The following BMP5 variants were observed in gnomAD, a reference collection of about 807,000 sequenced individuals.
BMP5 encodes the protein bone morphogenetic protein 5.
In BMP5, 23 loss-of-function variants were observed where a neutral mutation model predicts 46.6. That is an observed-to-expected ratio of 0.49 (90% CI 0.35 to 0.70). The LOEUF is 0.70. Ranked by LOEUF, BMP5 falls within the 30% of genes least tolerant of loss-of-function variation. The pLI is 0.00. For synonymous variants in BMP5, 204 were observed against 191.9 expected, an observed-to-expected ratio of 1.06 and a Z score of -0.52; for missense variants, 545 against 565.6, an observed-to-expected ratio of 0.96 and a Z score of 0.37.
At chr6:55,843,505 G>A (rs1341062517) in intron 1 of BMP5, among the ~76,000 whole-genome samples, 1 of 151,746 alleles carries the variant, frequency 6.6e-6, no homozygotes, top group African/African-American at 2.4e-5. Flanking sequence ...CTGCTGTAAT[G>A]TAACACACTG....
At chr6:55,855,145 G>T (rs6925870) in intron 1 of BMP5, among the ~76,000 whole-genome samples, 1 of 152,060 alleles carries the variant, frequency 6.6e-6, no homozygotes, top group Admixed American at 6.6e-5. Context: ...ATCTCGATAA[G>T]ATTTTTAATG....
At position 55,754,841 on chromosome 6, in the gene BMP5, A is replaced by G. The variant is rs1774541346; in HGVS notation, c.*692T>C. The G allele has an allele frequency of 6.6e-6, 1 of 152,082 alleles. No homozygotes were observed. Among genetic ancestry groups the G allele is most frequent in the Admixed American group, 6.6e-5 (1 of 15,214 alleles). 9.4% of individuals were successfully genotyped at this position (152,082 alleles called of 1,614,324 possible). On this transcript the variant is annotated 3_prime_UTR_variant, in exon 7 of 7. Transcript: ENST00000370830. ...TTGGAAAGCTATGGACACAGGCTCA[A>G]GCCTGTCTCCTGAAGCTTTGAGCTC...
intron 6 of BMP5, among the ~76,000 whole-genome samples, chr6:55,757,578 G>T (rs183351551): frequency 5.2e-4 from 79 of 151,874 alleles, no homozygotes; most frequent in Middle Eastern, 3.4e-3. Context: ...CCATACTCCT[G>T]GAAACACTAT....
At chr6:55,825,833 A>G (rs756374297) in intron 1 of BMP5, among the ~76,000 whole-genome samples, 1 of 151,880 alleles carries the variant, frequency 6.6e-6, no homozygotes, top group Non-Finnish European at 1.5e-5. Flanking sequence ...GTAACTTGGA[A>G]GACACAAATA....
intron 4 of BMP5, among the ~76,000 whole-genome samples, chr6:55,763,934 T>C (rs952339147): frequency 1.3e-5 from 2 of 152,106 alleles, no homozygotes; most frequent in Non-Finnish European, 2.9e-5. Flanking sequence ...AATAAAATCA[T>C]GAAAAACAAA....
chr6:55,823,879 G>GGAATATTTTAT (rs60793593), intron 1 of BMP5, among the ~76,000 whole-genome samples: 10,674 of 151,488 alleles, frequency 0.07, 416 homozygotes, highest in Middle Eastern at 0.14. Context: ...TCTTATCTAA[G>GGAATATTTTAT]GAATATTTTA....
At chr6:55,800,233 C>A (rs1028600573) in intron 2 of BMP5, among the ~76,000 whole-genome samples, 1 of 151,950 alleles carries the variant, frequency 6.6e-6, no homozygotes, top group Non-Finnish European at 1.5e-5. Flanking sequence ...GGCATAATGT[C>A]AAAGATGCAT....
chr6:55,800,347 G>A (rs547081752), intron 2 of BMP5, among the ~76,000 whole-genome samples: 21 of 152,232 alleles, frequency 1.4e-4, no homozygotes, highest in East Asian at 3.9e-4. Context: ...ATATGTATGC[G>A]AAATATTAAC....
chr6:55,874,980 T>C lies in BMP5; in HGVS notation c.-115A>G. 1 of 1,240,750 alleles carries C rather than the reference T, an allele frequency of 8.1e-7. No individual in the cohort carries two copies. The highest frequency in any genetic ancestry group is 2.3e-5 in the East Asian group (1 of 42,738). The allele number at this position is 1,240,750 out of a possible 1,614,324, so 76.9% of individuals were successfully genotyped here. A position where few individuals can be genotyped will look rare whatever the true frequency, so the allele number is the denominator to read the frequency against. On this transcript the variant is annotated 5_prime_UTR_variant, in exon 1 of 7. In the 5' UTR this introduces an upstream ATG that the reference lacks. Transcript: ENST00000370830. Reference sequence around the variant, plus strand: ...CAGTAGCTGAAAAAACAAATTTACCTATTTTTCATGACAGTGACATTTCTG... The same window carrying C: ...CAGTAGCTGAAAAAACAAATTTACCCATTTTTCATGACAGTGACATTTCTG...
At chr6:55,853,263 A>T (rs12207468) in intron 1 of BMP5, among the ~76,000 whole-genome samples, 32,387 of 149,760 alleles carry the variant, frequency 0.22, 4,435 homozygotes, top group Non-Finnish European at 0.3. Flanking sequence ...TTTGTGATAG[A>T]TATTATTTAT....
intron 2 of BMP5, among the ~76,000 whole-genome samples, chr6:55,796,925 A>C (rs1479872618): frequency 6.6e-6 from 1 of 152,138 alleles, no homozygotes; most frequent in African/African-American, 2.4e-5. Flanking sequence ...TTTCTAGTTC[A>C]CCTCTGAAAA....
At chr6:55,819,386 T>C (rs1473724701) in intron 2 of BMP5, among the ~76,000 whole-genome samples, 1 of 152,124 alleles carries the variant, frequency 6.6e-6, no homozygotes, top group African/African-American at 2.4e-5. Flanking sequence ...CTTTACAAAA[T>C]GAGACAACAG....
intron 1 of BMP5, among the ~76,000 whole-genome samples, chr6:55,870,502 C>A (rs1777760075): frequency 1.3e-5 from 2 of 149,754 alleles, no homozygotes; most frequent in South Asian, 4.2e-4. Context: ...TTTATATTAT[C>A]TTTCCTTCCA....
intron 1 of BMP5, among the ~76,000 whole-genome samples, chr6:55,869,020 A>C (rs751258680): frequency 3.3e-5 from 5 of 152,158 alleles, no homozygotes; most frequent in Non-Finnish European, 7.4e-5. Context: ...GTTTCTCTCC[A>C]ACCCTTTCAG....
rs111288104 is a variant in BMP5, at chr6:55,842,639, C to CA, written c.491-22793dup. ...ACCTTCTTGCATTACGCCGGCCCCTCAAAAAAAAAATGCCCCGACACAAAA... is the reference window on the plus strand; with the variant it reads ...ACCTTCTTGCATTACGCCGGCCCCTCAAAAAAAAAAATGCCCCGACACAAAA... On this transcript the variant is annotated intron_variant, in intron 1 of 6. Transcript: ENST00000370830. Among the ~76,000 whole-genome samples the CA allele has an allele frequency of 3.0e-3, 441 of 147,916 alleles. 1 individual carries two copies. Among genetic ancestry groups the CA allele is most frequent in the South Asian group, 0.022 (103 of 4,684 alleles).
At chr6:55,771,437 C>T (rs1378609065) in intron 4 of BMP5, among the ~76,000 whole-genome samples, 2 of 151,666 alleles carry the variant, frequency 1.3e-5, no homozygotes, top group South Asian at 2.1e-4. Context: ...CAAGCAGTGC[C>T]GGGCAGTTTC....
At position 55,755,577 on chromosome 6, in the gene BMP5, T is replaced by C. The variant is rs1230580267; in HGVS notation, c.1321A>G (p.Lys441Glu). 6.2e-7 allele frequency: 1 copy of C among 1,611,770 alleles called. No homozygotes were observed. Among genetic ancestry groups the C allele is most frequent in the Non-Finnish European group, 8.5e-7 (1 of 1,178,512 alleles). The change falls in exon 7 of 7, where the codon AAA becomes GAA. Residue 441 changes from lysine (K) to glutamate (E), a missense_variant. Lys to Glu is a moderately conservative substitution (Grantham distance 56). Transcript: ENST00000370830. ...CGTACTACCATATTTCTATATTTTT[T>C]CAAAATGACATTGGAGCTGTCATCA... ...YFDDSSNVIL[K>E]KYRNMVVRSC...
At chr6:55,794,904 T>G (rs1358960831) in intron 2 of BMP5, among the ~76,000 whole-genome samples, 1 of 152,060 alleles carries the variant, frequency 6.6e-6, no homozygotes, top group Non-Finnish European at 1.5e-5. Context: ...TCTATTTTTA[T>G]TATATAATTA....
At chr6:55,845,929 C>T (rs147948120) in intron 1 of BMP5, among the ~76,000 whole-genome samples, 55 of 152,144 alleles carry the variant, frequency 3.6e-4, no homozygotes, top group African/African-American at 1.3e-3. Context: ...CCTACTCCCG[C>T]TCCTCTTTCT....
Sources: gnomAD v4.1 joint callset for allele counts (sites outside exome capture counted in the v4.1 genomes callset) on GRCh38, gnomAD v4.1.1 for gene constraint, MANE v1.5 for transcripts, NCBI Gene and HGNC (gene_info 2026-07-23, HGNC 2026-07-21) for gene names.